The following DLG2 variants were observed in gnomAD, a reference collection of about 807,000 sequenced individuals.
DLG2 encodes disks large homolog 2.
DLG2 carries 45 observed loss-of-function variants against 132.5 expected under a neutral mutation model. The observed-to-expected ratio is 0.34, with a 90% CI of 0.27 to 0.44. The LOEUF is 0.44. Among genes scored for constraint, DLG2 ranks in the 20% least tolerant of loss-of-function variants. The pLI is 1.00. For missense variants in DLG2, 1,045 were observed against 1,196.9 expected (o/e 0.87, Z 1.87); for synonymous variants, 424 against 419.6 (o/e 1.01, Z -0.13).
In DLG2 at chr11:83,553,483, CGTGTGTGTGTGTGTGTGTGTGTGTGTGT is replaced by C. The variant is rs71959561; in HGVS notation, c.1941-11653_1941-11626del. ...CTGGCACAAAGTAAGAAGTAAGCAC[CGTGTGTGTGTGTGTGTGTGTGTGTGTGT>C]GTGTGTGTGTGTGTGTGTTTGCTGC... On this transcript the variant is annotated intron_variant, in intron 19 of 27. Coordinates refer to ENST00000376104, the MANE Select transcript of DLG2 (RefSeq NM_001142699.3). Among the ~76,000 whole-genome samples the C allele has an allele frequency of 3.5e-5, 5 of 143,772 alleles. No individual in the cohort carries two copies. In the East Asian group the frequency reaches 1.0e-3, roughly 30 times the overall value. 94.3% of individuals were successfully genotyped at this position (143,772 alleles called of 152,430 possible).
chr11:83,777,104 T>G (rs531418445), intron 18 of DLG2, among the ~76,000 whole-genome samples: 1 of 152,320 alleles, frequency 6.6e-6, no homozygotes, highest in Admixed American at 6.5e-5. Flanking sequence ...ACTGGAATAA[T>G]TTAATAAATA....
chr11:85,277,161 C>T (rs556382682), intron 4 of DLG2, among the ~76,000 whole-genome samples: 1 of 152,200 alleles, frequency 6.6e-6, no homozygotes, highest in South Asian at 2.1e-4. Context: ...GCACAATAAT[C>T]TGTAAAAAAT....
intron 7 of DLG2, among the ~76,000 whole-genome samples, chr11:84,346,702 C>T (rs1299601278): frequency 6.6e-6 from 1 of 152,134 alleles, no homozygotes; most frequent in Non-Finnish European, 1.5e-5. Flanking sequence ...CTCAGCCTCC[C>T]GAGTAGCTGG....
intron 6 of DLG2, among the ~76,000 whole-genome samples, chr11:84,878,970 G>A (rs2086855094): frequency 6.6e-6 from 1 of 152,162 alleles, no homozygotes; most frequent in Admixed American, 6.5e-5. Context: ...TGTGGTTGAG[G>A]TAGGATTACA....
At chr11:84,080,147 T>G (rs1566387510) in intron 10 of DLG2, among the ~76,000 whole-genome samples, 2 of 152,280 alleles carry the variant, frequency 1.3e-5, no homozygotes, top group East Asian at 3.9e-4. Context: ...CAGCTCCAGA[T>G]GTCTGAAGCA....
intron 21 of DLG2, among the ~76,000 whole-genome samples, chr11:83,531,639 T>G (rs1353685958): frequency 1.3e-5 from 2 of 151,984 alleles, no homozygotes; most frequent in African/African-American, 4.8e-5. Context: ...ACAATCTCAC[T>G]CCTAGGCATA....
chr11:83,767,211 T>C (rs2094181576), intron 18 of DLG2, among the ~76,000 whole-genome samples: 1 of 152,200 alleles, frequency 6.6e-6, no homozygotes, highest in African/African-American at 2.4e-5. Flanking sequence ...TGTAGTGTTC[T>C]TTTTTTAGGA....
chr11:84,026,951 T>C (rs969398147), intron 11 of DLG2, among the ~76,000 whole-genome samples: 4 of 152,134 alleles, frequency 2.6e-5, no homozygotes, highest in African/African-American at 7.2e-5. Context: ...ATTATTTCTA[T>C]TATATTCCTT....
intron 19 of DLG2, among the ~76,000 whole-genome samples, chr11:83,583,913 A>C (rs536587035): frequency 2.0e-5 from 3 of 152,352 alleles, no homozygotes; most frequent in East Asian, 3.9e-4. Context: ...ATCTAGCCCA[A>C]GAATGACAGA....
intron 18 of DLG2, among the ~76,000 whole-genome samples, chr11:83,754,644 T>C (rs2093575512): frequency 1.3e-5 from 2 of 151,336 alleles, no homozygotes; most frequent in African/African-American, 2.5e-5. Flanking sequence ...ACTTGATGAT[T>C]AGAGATTCAG....
chr11:83,514,722 G>A lies in DLG2; in HGVS notation c.2193+17986C>T, dbSNP rs569463362. 2.8e-3 allele frequency among the ~76,000 whole-genome samples: 426 copies of A among 152,258 alleles called. 6 individuals carry two copies. The highest frequency in any genetic ancestry group is 5.0e-3 in the Admixed American group (76 of 15,298). ...ACGGCCCATCAATACCTAATTTATTGAGAGTTTTTAGCATGAAGGGTTGTT... is the reference window on the plus strand; with the variant it reads ...ACGGCCCATCAATACCTAATTTATTAAGAGTTTTTAGCATGAAGGGTTGTT... On this transcript the variant is annotated intron_variant, in intron 21 of 27. Coordinates refer to ENST00000376104, the MANE Select transcript of DLG2 (RefSeq NM_001142699.3).
intron 7 of DLG2, among the ~76,000 whole-genome samples, chr11:84,330,691 C>A (rs887681215): frequency 6.6e-6 from 1 of 152,164 alleles, no homozygotes; most frequent in African/African-American, 2.4e-5. Context: ...AGGTCCATTA[C>A]CATGAAACAA....
At chr11:85,076,002 A>T (rs1448159809) in intron 6 of DLG2, among the ~76,000 whole-genome samples, 2 of 151,998 alleles carry the variant, frequency 1.3e-5, no homozygotes, top group Non-Finnish European at 2.9e-5. Flanking sequence ...AATTATATTT[A>T]GAGCTCCCCT....
intron 11 of DLG2, among the ~76,000 whole-genome samples, chr11:83,996,367 G>A (rs1306284877): frequency 6.6e-6 from 1 of 152,182 alleles, no homozygotes; most frequent in Non-Finnish European, 1.5e-5. Context: ...CTTGTACACT[G>A]TTGGTGGAAT....
At chr11:85,342,381 G>A (rs2082560268) in intron 3 of DLG2, among the ~76,000 whole-genome samples, 1 of 151,906 alleles carries the variant, frequency 6.6e-6, no homozygotes, top group Non-Finnish European at 1.5e-5. Context: ...AGGCCTATAT[G>A]AGGTCAGGAT....
intron 6 of DLG2, among the ~76,000 whole-genome samples, chr11:84,686,541 G>A (rs914703005): frequency 1.3e-5 from 2 of 150,620 alleles, no homozygotes; most frequent in African/African-American, 4.9e-5. Flanking sequence ...AAAGTTACAT[G>A]GTATTAAAAT....
At chr11:84,972,989 C>A (rs544261470) in intron 6 of DLG2, among the ~76,000 whole-genome samples, 43 of 140,294 alleles carry the variant, frequency 3.1e-4, no homozygotes, top group African/African-American at 1.1e-3. Flanking sequence ...CAGAGTTTTG[C>A]TCTTTTTGCC....
intron 6 of DLG2, among the ~76,000 whole-genome samples, chr11:84,618,700 T>G (rs2099608755): frequency 1.3e-5 from 2 of 152,008 alleles, no homozygotes; most frequent in Admixed American, 1.3e-4. Context: ...AGAAAACGTC[T>G]CCATATTGAC....
At chr11:84,867,074 A>ACATTGAGT (rs1207311250) in intron 6 of DLG2, among the ~76,000 whole-genome samples, 1 of 152,236 alleles carries the variant, frequency 6.6e-6, no homozygotes, top group Non-Finnish European at 1.5e-5. Flanking sequence ...AGCTAAATAA[A>ACATTGAGT]CATTGAGTAT....
Sources: gnomAD v4.1 joint callset for allele counts (sites outside exome capture counted in the v4.1 genomes callset) on GRCh38, gnomAD v4.1.1 for gene constraint, MANE v1.5 for transcripts, NCBI Gene and HGNC (gene_info 2026-07-23, HGNC 2026-07-21) for gene names.